The following ADAMTSL1 variants were observed in gnomAD, a reference collection of about 807,000 sequenced individuals.
The protein encoded by ADAMTSL1 is ADAMTS like 1, also known as ADAMTS-like protein 1.
A neutral mutation model predicts 201.8 loss-of-function variants in ADAMTSL1; 126 were observed. That is an observed-to-expected ratio of 0.62 (90% confidence interval 0.54 to 0.72). The LOEUF (loss-of-function observed/expected upper bound fraction) is 0.72. Ranked by LOEUF, ADAMTSL1 falls within the 30% of genes least tolerant of loss-of-function variation. The pLI is 0.00. For synonymous variants in ADAMTSL1, 1,121 were observed against 903.4 expected, an observed-to-expected ratio of 1.24 and a Z score of -4.32; for missense variants, 2,679 against 2,277.8, an observed-to-expected ratio of 1.18 and a Z score of -3.59.
intron 2 of ADAMTSL1, among the ~76,000 whole-genome samples, chr9:18,434,581 A>G (rs1487136574): frequency 2.0e-5 from 3 of 152,228 alleles, no homozygotes; most frequent in Non-Finnish European, 4.4e-5. Context: ...TAAAATAGGT[A>G]GAATACCTGG....
chr9:18,412,736 C>A (rs542499797), intron 2 of ADAMTSL1, among the ~76,000 whole-genome samples: 1 of 152,246 alleles, frequency 6.6e-6, no homozygotes, highest in Non-Finnish European at 1.5e-5. Context: ...GCCCCTTCTC[C>A]ATTTATTCTA....
intron 2 of ADAMTSL1, among the ~76,000 whole-genome samples, chr9:18,311,279 ACCAC>A (rs1429685558): frequency 6.6e-6 from 1 of 152,066 alleles, no homozygotes; most frequent in African/African-American, 2.4e-5. Context: ...GGTGCAGCAA[ACCAC>A]CACAGTGTGT....
intron 2 of ADAMTSL1, among the ~76,000 whole-genome samples, chr9:18,269,642 T>G (rs1398607730): frequency 6.6e-6 from 1 of 152,138 alleles, no homozygotes; most frequent in Non-Finnish European, 1.5e-5. Flanking sequence ...ATGTCTCCTT[T>G]CATTTTATAA....
At chr9:18,123,240 G>C (rs1564012408) in intron 1 of ADAMTSL1, among the ~76,000 whole-genome samples, 1 of 152,082 alleles carries the variant, frequency 6.6e-6, no homozygotes, top group Non-Finnish European at 1.5e-5. Flanking sequence ...ATTATAACAA[G>C]ACACATTTTA....
intron 1 of ADAMTSL1, among the ~76,000 whole-genome samples, chr9:18,035,327 T>C (rs1821149015): frequency 6.6e-6 from 1 of 152,170 alleles, no homozygotes; most frequent in African/African-American, 2.4e-5. Context: ...AGAAAAATGA[T>C]GTGCTTCAAT....
chr9:18,464,726 GTATGTT>G (rs1356182699), intron 2 of ADAMTSL1, among the ~76,000 whole-genome samples: 1 of 152,128 alleles, frequency 6.6e-6, no homozygotes, highest in Non-Finnish European at 1.5e-5. Context: ...GTTTTATTTT[GTATGTT>G]TATAACACCC....
At chr9:17,930,834 C>G (rs145274524) in intron 1 of ADAMTSL1, among the ~76,000 whole-genome samples, 20 of 152,228 alleles carry the variant, frequency 1.3e-4, no homozygotes, top group South Asian at 2.1e-4. Flanking sequence ...ATTTGTTGCC[C>G]TACAGTAGTG....
At chr9:18,309,974 G>A (rs546913781) in intron 2 of ADAMTSL1, among the ~76,000 whole-genome samples, 54 of 152,054 alleles carry the variant, frequency 3.6e-4, no homozygotes, top group African/African-American at 1.2e-3. Flanking sequence ...GCATATTACC[G>A]GTACCAAAAC....
At chr9:18,015,740 C>A (rs1705063245) in intron 1 of ADAMTSL1, among the ~76,000 whole-genome samples, 1 of 152,002 alleles carries the variant, frequency 6.6e-6, no homozygotes, top group African/African-American at 2.4e-5. Context: ...CAGGGCTTCT[C>A]ATCCTAGGCT....
chr9:18,171,872 G>C (rs924437239), intron 2 of ADAMTSL1, among the ~76,000 whole-genome samples: 7 of 152,018 alleles, frequency 4.6e-5, no homozygotes, highest in Admixed American at 2.0e-4. Flanking sequence ...TGTAAGGAAG[G>C]GATCCAGTTT....
chr9:18,233,518 G>A (rs1830724773), intron 2 of ADAMTSL1, among the ~76,000 whole-genome samples: 1 of 152,076 alleles, frequency 6.6e-6, no homozygotes, highest in African/African-American at 2.4e-5. Context: ...CCTGCTGTAT[G>A]CCAGGTAGTT....
intron 21 of ADAMTSL1, among the ~76,000 whole-genome samples, chr9:18,820,361 T>C (rs1306617369): frequency 6.6e-6 from 1 of 152,216 alleles, no homozygotes; most frequent in Non-Finnish European, 1.5e-5. Context: ...GATACGGTTG[T>C]TGTTTTCTTA....
intron 2 of ADAMTSL1, among the ~76,000 whole-genome samples, chr9:18,462,288 T>C (rs1820836059): frequency 6.6e-6 from 1 of 152,200 alleles, no homozygotes; most frequent in Non-Finnish European, 1.5e-5. Context: ...AAAACTCCTG[T>C]ATAGAAATGA....
intron 21 of ADAMTSL1, among the ~76,000 whole-genome samples, chr9:18,817,730 G>A (rs1823950401): frequency 6.6e-6 from 1 of 152,228 alleles, no homozygotes; most frequent in Non-Finnish European, 1.5e-5. Context: ...TACTAGGACA[G>A]AAAGGCCAAG....
chr9:18,127,323 A>T (rs1033634316), intron 1 of ADAMTSL1, among the ~76,000 whole-genome samples: 1 of 152,190 alleles, frequency 6.6e-6, no homozygotes, highest in Non-Finnish European at 1.5e-5. Context: ...TAGATCCCTG[A>T]GACACCACTT....
intron 3 of ADAMTSL1, among the ~76,000 whole-genome samples, chr9:18,549,858 A>G (rs567482125): frequency 4.6e-5 from 7 of 152,092 alleles, no homozygotes; most frequent in African/African-American, 1.2e-4. Context: ...AGCAGCATCA[A>G]CGTCAGCCTG....
intron 1 of ADAMTSL1, among the ~76,000 whole-genome samples, chr9:18,080,395 C>G (rs747597009): frequency 1.3e-5 from 2 of 152,136 alleles, no homozygotes; most frequent in Non-Finnish European, 2.9e-5. Flanking sequence ...TGCCTCTGAG[C>G]AAAATCTTAA....
intron 13 of ADAMTSL1, among the ~76,000 whole-genome samples, chr9:18,703,470 A>G (rs1475653273): frequency 1.3e-5 from 2 of 152,066 alleles, no homozygotes; most frequent in Admixed American, 6.6e-5. Flanking sequence ...TGTATGCACT[A>G]GAGAAATTAA....
chr9:18,424,227 C>A (rs1387276080), intron 2 of ADAMTSL1, among the ~76,000 whole-genome samples: 1 of 152,160 alleles, frequency 6.6e-6, no homozygotes, highest in African/African-American at 2.4e-5. Flanking sequence ...CTCTGATGAC[C>A]CTCTCAGCCA....
Sources: allele counts gnomAD v4.1 joint callset (sites outside exome capture counted in the v4.1 genomes callset), GRCh38; gene constraint gnomAD v4.1.1; transcripts MANE v1.5; gene names NCBI Gene and HGNC (gene_info 2026-07-23, HGNC 2026-07-21).